Variants in ADGRE1 observed in about 807,000 individuals in gnomAD.
ADGRE1 encodes the protein EGF-like module receptor 1.
Under a neutral mutation model 102.7 loss-of-function variants are expected in ADGRE1, and 82 were observed. The observed-to-expected ratio is 0.80, with a 90% CI of 0.67 to 0.96. The LOEUF is 0.96. Among genes scored for constraint, ADGRE1 ranks in the 40% least tolerant of loss-of-function variants. The pLI, the probability that ADGRE1 is intolerant of heterozygous loss-of-function variation, is 0.00. For missense variants in ADGRE1, 1,032 were observed against 1,085.3 expected (o/e 0.95, Z 0.69); for synonymous variants, 398 against 399.6 (o/e 1.00, Z 0.05).
intron 11 of ADGRE1, 35 bp downstream of exon 11, chr19:6,913,865 G>A (rs767962829): frequency 4.0e-6 from 6 of 1,506,324 alleles, no homozygotes; most frequent in Non-Finnish European, 4.5e-6. Context: ...GTTACACCTA[G>A]GGGATGATTT....
chr19:6,915,723 C>A (rs1974348278), intron 11 of ADGRE1, among the ~76,000 whole-genome samples: 1 of 151,914 alleles, frequency 6.6e-6, no homozygotes, highest in Non-Finnish European at 1.5e-5. Flanking sequence ...AGATCGAGAC[C>A]ATCCTGGCTA....
At chr19:6,922,414 G>T (rs1228553979) in intron 14 of ADGRE1, among the ~76,000 whole-genome samples, 1 of 151,994 alleles carries the variant, frequency 6.6e-6, no homozygotes, top group Non-Finnish European at 1.5e-5. Context: ...AAGAGATCGA[G>T]ACCATCCTGG....
In ADGRE1 at chr19:6,919,728, A is replaced by G. The variant is rs775414178; in HGVS notation, c.1601A>G (p.Tyr534Cys). The G allele has an allele frequency of 5.0e-5, 81 of 1,613,314 alleles. No homozygotes were observed. The highest frequency in any genetic ancestry group is 5.3e-5 in the Non-Finnish European group (62 of 1,179,714). Reference sequence around the variant, plus strand: ...GACGGCTTCTCAGATCCAATCATCTACACTCTGGAGAACATTCAGGTTTGT... The same window carrying G: ...GACGGCTTCTCAGATCCAATCATCTGCACTCTGGAGAACATTCAGGTTTGT... The part of the protein sequence containing the change: ...KKDGFSDPII[Y>C]TLENIQPKQK... The change falls in exon 13 of 21, where the codon TAC becomes TGC. Residue 534 changes from tyrosine to cysteine, a missense_variant. Transcript: ENST00000312053.
Position 6,937,599 on chromosome 19 carries a change from C to T in ADGRE1, c.2606C>T (p.Ser869Phe), listed in dbSNP as rs1325565979. ...GGGAAGACGAAGCCCAGCTCCCAGT[C>T]CCAGACCTCAAGGATCTTGCTGTCC... is the stretch of plus-strand genomic sequence containing the variant. Reference protein sequence around the residue: ...ITGKTKPSSQSQTSRILLSSM... With the variant: ...ITGKTKPSSQFQTSRILLSSM... Residue 869 changes from serine to phenylalanine, a missense_variant, in exon 20 of 21, where the codon TCC (serine) becomes TTC (phenylalanine). Transcript: ENST00000312053. 7.4e-6 allele frequency: 12 copies of T among 1,613,996 alleles called. No homozygotes were observed. The highest frequency in any genetic ancestry group is 1.0e-5 in the Non-Finnish European group (12 of 1,180,022).
intron 2 of ADGRE1, among the ~76,000 whole-genome samples, chr19:6,893,706 A>AT (rs1973457880): frequency 6.6e-6 from 1 of 151,890 alleles, no homozygotes; most frequent in South Asian, 2.1e-4. Context: ...GTCATGTTTT[A>AT]TTTTCACATA....
intron 18 of ADGRE1, among the ~76,000 whole-genome samples, chr19:6,936,669 C>T (rs1309786035): frequency 1.3e-5 from 2 of 148,622 alleles, no homozygotes; most frequent in Non-Finnish European, 3.0e-5. Flanking sequence ...CTCGCCCAGG[C>T]TAGAGGGCAT....
In ADGRE1 at chr19:6,931,198, T is replaced by C. The variant is rs374531312; in HGVS notation, c.2289+2987T>C. On this transcript the variant is annotated intron_variant, in intron 17 of 20. Coordinates refer to ENST00000312053, the MANE Select transcript of ADGRE1 (RefSeq NM_001974.5). Reference sequence around the variant, plus strand: ...TGAGAACATGTGAAATGTGTCTTTCTGTGCCTAGTTTCATTTGTAATGTTT... The same window carrying C: ...TGAGAACATGTGAAATGTGTCTTTCCGTGCCTAGTTTCATTTGTAATGTTT... 8.5e-5 allele frequency among the ~76,000 whole-genome samples: 13 copies of C among 152,286 alleles called. No individual in the cohort carries two copies. In the East Asian group the frequency reaches 1.5e-3, roughly 18 times the overall value.
chr19:6,930,994 T>A (rs975062317), intron 17 of ADGRE1, among the ~76,000 whole-genome samples: 1 of 152,142 alleles, frequency 6.6e-6, no homozygotes, highest in African/African-American at 2.4e-5. Flanking sequence ...AGTCACCCTG[T>A]TTTGCTAACA....
chr19:6,922,299 G>A (rs1974699134), intron 14 of ADGRE1, among the ~76,000 whole-genome samples: 1 of 152,068 alleles, frequency 6.6e-6, no homozygotes, highest in Admixed American at 6.6e-5. Flanking sequence ...ATGCAAATGG[G>A]TCAAGAAGAA....
intron 5 of ADGRE1, 113 bp from the exon 6 acceptor site, chr19:6,901,762 G>C: frequency 2.8e-6 from 3 of 1,063,704 alleles, no homozygotes; most frequent in Non-Finnish European, 2.8e-6. Flanking sequence ...GGATATTGGG[G>C]AGCATCAGCC....
chr19:6,923,458 C>T (rs1974755555), intron 14 of ADGRE1, among the ~76,000 whole-genome samples: 1 of 152,190 alleles, frequency 6.6e-6, no homozygotes, highest in Non-Finnish European at 1.5e-5. Flanking sequence ...GATGAGGAAA[C>T]TGAGGGCACA....
rs1206311393 is a variant in ADGRE1 at position 6,909,461 on chromosome 19, C to A, written c.1122+689C>A. On this transcript the variant is annotated intron_variant, in intron 10 of 20. Transcript: ENST00000312053. ...TTGGAAGAGTGTTATATAAATGAAA[C>A]CACATAGTATGTGGTCTTTTGAGAC... is the stretch of plus-strand genomic sequence containing the variant. 1.3e-5 allele frequency among the ~76,000 whole-genome samples: 2 copies of A among 152,140 alleles called. 1 individual carries two copies. Among genetic ancestry groups the A allele is most frequent in the Admixed American group, 1.3e-4 (2 of 15,264 alleles).
At position 6,897,268 on chromosome 19, in the gene ADGRE1, T is replaced by C. The variant is rs1839953360; in HGVS notation, c.358T>C (p.Trp120Arg). 1 of 1,613,922 alleles carries C rather than the reference T, an allele frequency of 6.2e-7. No homozygotes were observed. The highest frequency in any genetic ancestry group is 8.5e-7 in the Non-Finnish European group (1 of 1,179,992). Reference protein sequence around the residue: ...DGFSSPTGNDWVPGKPGNFSC... With the variant: ...DGFSSPTGNDRVPGKPGNFSC... Reference sequence around the variant, plus strand: ...TTTCTCTTCTCCCACTGGAAATGACTGGGTCCCAGGAAAGCCGGGCAATTT... The same window carrying C: ...TTTCTCTTCTCCCACTGGAAATGACCGGGTCCCAGGAAAGCCGGGCAATTT... Residue 120 changes from tryptophan to arginine, a missense_variant, in exon 4 of 21, where the codon TGG becomes CGG. Coordinates refer to ENST00000312053, the MANE Select transcript of ADGRE1 (RefSeq NM_001974.5).
intron 5 of ADGRE1, chr19:6,898,053 G>A: frequency 3.7e-6 from 1 of 272,022 alleles, no homozygotes. Flanking sequence ...ACAATATGGT[G>A]GCTGGATTCC....
At chr19:6,904,977 C>T (rs1973903800) in intron 8 of ADGRE1, among the ~76,000 whole-genome samples, 1 of 151,822 alleles carries the variant, frequency 6.6e-6, no homozygotes, top group Non-Finnish European at 1.5e-5. Context: ...CAAATGAGGA[C>T]AAGGGGAAGT....
chr19:6,923,584 G>T (rs1025212936), intron 14 of ADGRE1, among the ~76,000 whole-genome samples: 1 of 151,978 alleles, frequency 6.6e-6, no homozygotes, highest in African/African-American at 2.4e-5. Context: ...AGGCTGGAGT[G>T]CAGAGGTGTG....
chr19:6,909,501 C>T (rs1318883684), intron 10 of ADGRE1, among the ~76,000 whole-genome samples: 1 of 152,136 alleles, frequency 6.6e-6, no homozygotes, highest in Admixed American at 6.5e-5. Flanking sequence ...TTCTTTGACT[C>T]AGCATAGTGC....
intron 1 of ADGRE1, among the ~76,000 whole-genome samples, chr19:6,889,305 AGAT>A (rs1973264666): frequency 6.6e-6 from 1 of 150,868 alleles, no homozygotes; most frequent in Admixed American, 6.6e-5. Flanking sequence ...GTGATGATGA[AGAT>A]GATGATGGTG....
chr19:6,933,054 C>G (rs1975231694), intron 17 of ADGRE1, among the ~76,000 whole-genome samples: 1 of 152,064 alleles, frequency 6.6e-6, no homozygotes, highest in Non-Finnish European at 1.5e-5. Flanking sequence ...AACCCCATCT[C>G]TACTGAAAAT....
Sources: allele counts gnomAD v4.1 joint callset (sites outside exome capture counted in the v4.1 genomes callset), GRCh38; gene constraint gnomAD v4.1.1; transcripts MANE v1.5; gene names NCBI Gene and HGNC (gene_info 2026-07-23, HGNC 2026-07-21).